The following ZMIZ1 variants were observed in gnomAD, a reference collection of about 807,000 sequenced individuals.
The protein encoded by ZMIZ1 is zinc finger MIZ domain-containing protein 1.
ZMIZ1 carries 17 observed loss-of-function variants against 113.9 expected under a neutral mutation model. That is an observed-to-expected ratio of 0.15 (90% CI 0.10 to 0.22). The LOEUF (loss-of-function observed/expected upper bound fraction) is 0.22, where lower values mean the gene tolerates loss of function less well. Among genes scored for constraint, ZMIZ1 ranks in the 10% least tolerant of loss-of-function variants. The pLI is 1.00. For synonymous variants in ZMIZ1, 607 were observed against 603.1 expected (o/e 1.01, Z -0.09); for missense variants, 1,059 against 1,477.8 (o/e 0.72, Z 4.65).
At chr10:79,244,067 C>T (rs1450013085) in intron 7 of ZMIZ1, among the ~76,000 whole-genome samples, 1 of 151,464 alleles carries the variant, frequency 6.6e-6, no homozygotes, top group Non-Finnish European at 1.5e-5. Context: ...AGTCGGCTCA[C>T]GCTGCAAAAA....
At position 79,296,676 on chromosome 10, in the gene ZMIZ1, C is replaced by CCCA; in HGVS notation, c.1413+25_1413+27dup. The CCCA allele has an allele frequency of 6.6e-7, 1 of 1,523,514 alleles. No homozygotes were observed. Among genetic ancestry groups the CCCA allele is most frequent in the Middle Eastern group, 2.3e-4 (1 of 4,366 alleles). 94.4% of individuals were successfully genotyped at this position (1,523,514 alleles called of 1,614,324 possible). On this transcript the variant is annotated intron_variant, in intron 13 of 24. Transcript: ENST00000334512. The surrounding 1 kb of genome is among the most constrained non-coding windows in gnomAD (Gnocchi z 4.1). ...AAGGTGAGTCCCAGCCTCGCCACCA[C>CCCA]CCACGGGGCCCCTTCCCTCCTAACC...
At chr10:79,211,987 G>A (rs997782392) in intron 6 of ZMIZ1, among the ~76,000 whole-genome samples, 9 of 152,068 alleles carry the variant, frequency 5.9e-5, no homozygotes, top group Non-Finnish European at 1.0e-4. Flanking sequence ...TTCGGGTCCC[G>A]CCCCCTGCCA....
chr10:79,185,530 C>T (rs368021186), intron 4 of ZMIZ1, among the ~76,000 whole-genome samples: 4 of 151,568 alleles, frequency 2.6e-5, no homozygotes, highest in African/African-American at 7.3e-5. Flanking sequence ...CCTTGTTCAG[C>T]TGTCAGCAGA....
intron 4 of ZMIZ1, among the ~76,000 whole-genome samples, chr10:79,200,265 G>C (rs1167681642): frequency 6.6e-6 from 1 of 152,186 alleles, no homozygotes; most frequent in Non-Finnish European, 1.5e-5. Context: ...AGGGCAAATC[G>C]AACTGGCAGC....
chr10:79,296,426 G>T lies in ZMIZ1; in HGVS notation c.1231-45G>T, dbSNP rs754806919. On this transcript the variant is annotated intron_variant, in intron 12 of 24. Coordinates refer to ENST00000334512, the MANE Select transcript of ZMIZ1 (RefSeq NM_020338.4). The surrounding 1 kb of genome is among the most constrained non-coding windows in gnomAD (Gnocchi z 4.1). The stretch of plus-strand genomic sequence containing the variant: ...TCAGGTGACCTGGCTATGTGACGTT[G>T]GCAACATTGAACGTGTTTCCCCTCT... 8 of 1,605,088 alleles carry T rather than the reference G, an allele frequency of 5.0e-6. No homozygotes were observed. In the Admixed American group the frequency reaches 1.3e-4, roughly 27 times the overall value.
intron 4 of ZMIZ1, among the ~76,000 whole-genome samples, chr10:79,171,388 T>C (rs1846592833): frequency 6.6e-6 from 1 of 152,236 alleles, no homozygotes; most frequent in African/African-American, 2.4e-5. Context: ...GTCTCCTTCC[T>C]GGGCTGGGAG....
intron 1 of ZMIZ1, among the ~76,000 whole-genome samples, chr10:79,100,668 AG>A (rs1228053460): frequency 6.6e-6 from 1 of 152,172 alleles, no homozygotes; most frequent in Non-Finnish European, 1.5e-5. Flanking sequence ...ATGTTCTCAC[AG>A]GGGTCCCATG....
At chr10:79,138,328 G>A (rs1011819118) in intron 2 of ZMIZ1, among the ~76,000 whole-genome samples, 3 of 152,220 alleles carry the variant, frequency 2.0e-5, no homozygotes, top group Admixed American at 6.5e-5. Context: ...AAGGGGATTC[G>A]CCTTCTGGCC....
chr10:79,197,262 C>G (rs759169334), intron 4 of ZMIZ1, among the ~76,000 whole-genome samples: 5 of 152,188 alleles, frequency 3.3e-5, no homozygotes, highest in Non-Finnish European at 5.9e-5. Context: ...CAGTGTTCAC[C>G]CATGCCCCCA....
intron 1 of ZMIZ1, among the ~76,000 whole-genome samples, chr10:79,070,593 C>G (rs570246541): frequency 6.6e-6 from 1 of 152,144 alleles, no homozygotes. Flanking sequence ...CAGCCCTACC[C>G]CTCTACCTGC....
intron 7 of ZMIZ1, among the ~76,000 whole-genome samples, chr10:79,255,322 G>C (rs1430884239): frequency 6.6e-6 from 1 of 152,230 alleles, no homozygotes; most frequent in Non-Finnish European, 1.5e-5. Context: ...CTAGCCCTGA[G>C]GGGCAGGCAG....
rs185980203 is a variant in ZMIZ1 at position 79,280,198 on chromosome 10, C to T, written c.425+2873C>T. Among the ~76,000 whole-genome samples, 11 of 152,122 alleles carry T rather than the reference C, an allele frequency of 7.2e-5. No individual in the cohort carries two copies. The East Asian group carries it at 1.4e-3, about 19-fold the overall frequency. ...GAGATGGCATTGCCCAGGCTGGTCTCGAACTCCTAAGCTCAAGGAATCTGC... is the reference window on the plus strand; with the variant it reads ...GAGATGGCATTGCCCAGGCTGGTCTTGAACTCCTAAGCTCAAGGAATCTGC... On this transcript the variant is annotated intron_variant, in intron 8 of 24. Transcript: ENST00000334512.
At chr10:79,103,845 G>A (rs1014702577) in intron 1 of ZMIZ1, among the ~76,000 whole-genome samples, 2 of 152,190 alleles carry the variant, frequency 1.3e-5, no homozygotes. Context: ...GGAGGCAGAC[G>A]TAGGTGGAGG....
At position 79,197,509 on chromosome 10, in the gene ZMIZ1, A is replaced by G. The variant is rs566524341; in HGVS notation, c.-49-4075A>G. On this transcript the variant is annotated intron_variant, in intron 4 of 24. Coordinates refer to ENST00000334512, the MANE Select transcript of ZMIZ1 (RefSeq NM_020338.4). ...GCTGAGGGTCTGTGTGGGTAAACTC[A>G]GGAGGACAAATACAGCTCCCGCTTG... Among the ~76,000 whole-genome samples the G allele has an allele frequency of 2.6e-5, 4 of 152,130 alleles. No homozygotes were observed. The East Asian group carries it at 7.7e-4, about 29-fold the overall frequency.
At chr10:79,114,390 C>G (rs543239953) in intron 1 of ZMIZ1, among the ~76,000 whole-genome samples, 5 of 151,916 alleles carry the variant, frequency 3.3e-5, no homozygotes, top group African/African-American at 1.2e-4. Flanking sequence ...TTGAGTGAGT[C>G]GGAGAAATCT....
At chr10:79,183,052 C>T (rs1206774696) in intron 4 of ZMIZ1, among the ~76,000 whole-genome samples, 1 of 152,212 alleles carries the variant, frequency 6.6e-6, no homozygotes, top group Non-Finnish European at 1.5e-5. Context: ...TTCTGATAAG[C>T]AGTACCAAGT....
chr10:79,239,951 C>T (rs1254435973), intron 7 of ZMIZ1, among the ~76,000 whole-genome samples: 2 of 148,204 alleles, frequency 1.3e-5, no homozygotes, highest in Non-Finnish European at 3.0e-5. Flanking sequence ...ATGGCAGGCT[C>T]CTCCAGCTGG....
chr10:79,249,904 C>G (rs1388015140), intron 7 of ZMIZ1, among the ~76,000 whole-genome samples: 6 of 152,156 alleles, frequency 3.9e-5, no homozygotes, highest in Admixed American at 3.3e-4. Context: ...CAGTGTCAGA[C>G]AGTAATTATG....
At chr10:79,091,717 T>G (rs1842987666) in intron 1 of ZMIZ1, among the ~76,000 whole-genome samples, 1 of 152,122 alleles carries the variant, frequency 6.6e-6, no homozygotes, top group Admixed American at 6.5e-5. Flanking sequence ...GGTGTGCCTG[T>G]GGGGGTGCTG....
Sources: gnomAD v4.1 joint callset for allele counts (sites outside exome capture counted in the v4.1 genomes callset) on GRCh38, gnomAD v4.1.1 for gene constraint, Gnocchi (gnomAD v3.1) non-coding constraint, MANE v1.5 for transcripts, NCBI Gene and HGNC (gene_info 2026-07-23, HGNC 2026-07-21) for gene names.